Variants in SNX30 observed in about 807,000 individuals in gnomAD.
SNX30 encodes sorting nexin-30.
In SNX30, 24 loss-of-function variants were observed where a neutral mutation model predicts 46.4. The ratio of observed to expected loss-of-function variants is 0.52; its 90% CI spans 0.37 to 0.73. SNX30 has a LOEUF of 0.73. Ranked by LOEUF, SNX30 falls within the 30% of genes least tolerant of loss-of-function variation. The pLI, the probability that SNX30 is intolerant of heterozygous loss-of-function variation, is 0.00. For missense variants in SNX30, 533 were observed against 555.7 expected (o/e 0.96, Z 0.41); for synonymous variants, 189 against 211.5 (o/e 0.89, Z 0.92).
intron 1 of SNX30, among the ~76,000 whole-genome samples, chr9:112,778,526 C>A (rs538728619): frequency 2.6e-5 from 4 of 152,254 alleles, no homozygotes; most frequent in South Asian, 2.1e-4. Context: ...CCAGCCTCGG[C>A]CTCCCAAAAT....
intron 4 of SNX30, among the ~76,000 whole-genome samples, chr9:112,831,580 C>CAGGT (rs1381355436): frequency 6.6e-6 from 1 of 152,176 alleles, no homozygotes; most frequent in Non-Finnish European, 1.5e-5. Context: ...TGTCCTTGTT[C>CAGGT]AGGTAGCGTC....
At chr9:112,796,392 G>T (rs1486528585) in intron 1 of SNX30, among the ~76,000 whole-genome samples, 2 of 152,178 alleles carry the variant, frequency 1.3e-5, no homozygotes, top group African/African-American at 2.4e-5. Context: ...AGAAGATGTT[G>T]TCCCCCTACA....
Position 112,779,558 on chromosome 9 carries a change from C to T in SNX30, c.157-25218C>T, listed in dbSNP as rs1260398036. 2.0e-5 allele frequency among the ~76,000 whole-genome samples: 3 copies of T among 151,862 alleles called. No individual in the cohort carries two copies. In the South Asian group the frequency reaches 6.2e-4, roughly 32 times the overall value. ...AAAAATACAAAAATTAGCTAGGCAT[C>T]GTGGGAGGTGCCTGTAGTCCCAGCT... On this transcript the variant is annotated intron_variant, in intron 1 of 8. Coordinates refer to ENST00000374232, the MANE Select transcript of SNX30 (RefSeq NM_001012994.2).
intron 3 of SNX30, among the ~76,000 whole-genome samples, chr9:112,824,175 A>G (rs1234338159): frequency 1.3e-5 from 2 of 152,234 alleles, no homozygotes; most frequent in Non-Finnish European, 2.9e-5. Context: ...ACAGTCTACA[A>G]CAAATATGCT....
At chr9:112,773,895 GATTTTCATTTTGTT>G (rs1839694292) in intron 1 of SNX30, among the ~76,000 whole-genome samples, 1 of 152,114 alleles carries the variant, frequency 6.6e-6, no homozygotes, top group Non-Finnish European at 1.5e-5. Context: ...TCCTTAATTT[GATTTTCATTTTGTT>G]TCAATAAGTA....
chr9:112,847,462 T>TTA (rs1840957140), intron 6 of SNX30, among the ~76,000 whole-genome samples: 1 of 133,684 alleles, frequency 7.5e-6, no homozygotes, highest in African/African-American at 2.9e-5. Context: ...TTTTTTTTTT[T>TTA]AAAAAGGACT....
chr9:112,774,508 A>G (rs903335095), intron 1 of SNX30, among the ~76,000 whole-genome samples: 3 of 152,216 alleles, frequency 2.0e-5, no homozygotes, highest in Non-Finnish European at 4.4e-5. Flanking sequence ...GTGATCATTC[A>G]TGTGCAAGTC....
At chr9:112,787,404 A>G (rs2796025) in intron 1 of SNX30, among the ~76,000 whole-genome samples, 143,952 of 152,144 alleles carry the variant, frequency 0.95, 68,158 homozygotes, top group East Asian at 1. Context: ...TTAGGTTTGG[A>G]TTGAGGATTT....
chr9:112,769,976 C>G (rs138311253), intron 1 of SNX30, among the ~76,000 whole-genome samples: 1 of 152,062 alleles, frequency 6.6e-6, no homozygotes, highest in Non-Finnish European at 1.5e-5. Flanking sequence ...AATCTCATCA[C>G]TTCTCACTCT....
intron 3 of SNX30, among the ~76,000 whole-genome samples, chr9:112,822,038 C>G (rs990220090): frequency 6.6e-6 from 1 of 151,910 alleles, no homozygotes; most frequent in Non-Finnish European, 1.5e-5. Flanking sequence ...CTCAGCCTCT[C>G]GAATAGCTGG....
chr9:112,876,007 G>A (rs1841512833), downstream of SNX30: 1 of 152,088 alleles, frequency 6.6e-6, no homozygotes, highest in South Asian at 2.1e-4. Flanking sequence ...GGCTGGTATT[G>A]AACTCCTGAG....
At chr9:112,829,916 G>A (rs544105269) in intron 3 of SNX30, among the ~76,000 whole-genome samples, 10 of 152,118 alleles carry the variant, frequency 6.6e-5, no homozygotes, top group African/African-American at 1.4e-4. Flanking sequence ...ATTAGATTTA[G>A]TTGCCTATTT....
chr9:112,779,050 G>A (rs750848839), intron 1 of SNX30, among the ~76,000 whole-genome samples: 5 of 152,256 alleles, frequency 3.3e-5, no homozygotes, highest in Non-Finnish European at 5.9e-5. Flanking sequence ...CAAAGTGCTC[G>A]TGGCACTTGG....
intron 1 of SNX30, among the ~76,000 whole-genome samples, chr9:112,769,820 T>C (rs1204022836): frequency 6.6e-6 from 1 of 152,182 alleles, no homozygotes; most frequent in Non-Finnish European, 1.5e-5. Flanking sequence ...TCTTGATGTT[T>C]AACCCTGCAT....
At chr9:112,807,856 C>G (rs1840254788) in intron 2 of SNX30, among the ~76,000 whole-genome samples, 1 of 152,218 alleles carries the variant, frequency 6.6e-6, no homozygotes, top group African/African-American at 2.4e-5. Context: ...ATTTCTATCC[C>G]TTCTCTTGGG....
At chr9:112,845,636 C>T (rs1324194891) in intron 6 of SNX30, among the ~76,000 whole-genome samples, 2 of 152,196 alleles carry the variant, frequency 1.3e-5, no homozygotes, top group East Asian at 3.8e-4. Context: ...AGCCTTAGAT[C>T]TTCCATGCAA....
At chr9:112,821,611 C>G (rs1180980598) in intron 3 of SNX30, among the ~76,000 whole-genome samples, 1 of 151,226 alleles carries the variant, frequency 6.6e-6, no homozygotes, top group Non-Finnish European at 1.5e-5. Context: ...CTCAGCCTCC[C>G]TAGTACCTGG....
At chr9:112,770,856 C>T (rs1030264424) in intron 1 of SNX30, among the ~76,000 whole-genome samples, 23 of 152,048 alleles carry the variant, frequency 1.5e-4, no homozygotes, top group African/African-American at 4.8e-4. Flanking sequence ...ATTAGCTGGG[C>T]GTGGTGGCGC....
intron 7 of SNX30, among the ~76,000 whole-genome samples, chr9:112,853,327 G>T (rs1242162456): frequency 6.6e-6 from 1 of 152,184 alleles, no homozygotes; most frequent in East Asian, 1.9e-4. Flanking sequence ...TGTCACAAGG[G>T]AGGCGACAAC....
Sources: allele counts gnomAD v4.1 joint callset (sites outside exome capture counted in the v4.1 genomes callset), GRCh38; gene constraint gnomAD v4.1.1; transcripts MANE v1.5; gene names NCBI Gene and HGNC (gene_info 2026-07-23, HGNC 2026-07-21).